The following TMEM52B variants were observed in gnomAD, a reference collection of about 807,000 sequenced individuals.
The protein encoded by TMEM52B is transmembrane protein 52B.
Under a neutral mutation model 16.1 loss-of-function variants are expected in TMEM52B, and 11 were observed. The observed-to-expected ratio is 0.68, with a 90% CI of 0.43 to 1.13. The LOEUF (loss-of-function observed/expected upper bound fraction) is 1.13, where lower values mean the gene tolerates loss of function less well. Among genes scored for constraint, TMEM52B ranks in the 50% most tolerant of loss-of-function variants. The pLI, the probability that TMEM52B is intolerant of heterozygous loss-of-function variation, is 0.00. For missense variants in TMEM52B, 243 were observed against 230.4 expected (o/e 1.05, Z -0.35); for synonymous variants, 101 against 93.8 (o/e 1.08, Z -0.45).
chr12:10,190,173 T>C lies in TMEM52B; in HGVS notation c.*33T>C. The C allele has an allele frequency of 6.2e-7, 1 of 1,612,452 alleles. No individual in the cohort carries two copies. The highest frequency in any genetic ancestry group is 8.5e-7 in the Non-Finnish European group (1 of 1,178,976). ...TGTCATTTTATAAATAGGAGTGGAG[T>C]GATGTCCAGAGTCTGTGGGAAAATG... On this transcript the variant is annotated 3_prime_UTR_variant, in exon 5 of 5. Coordinates refer to ENST00000543484, the MANE Select transcript of TMEM52B (RefSeq NM_001384896.1).
At chr12:10,182,721 C>G in intron 2 of TMEM52B, 128 bp downstream of exon 2, 1 of 979,648 alleles carries the variant, frequency 1.0e-6, no homozygotes, top group Non-Finnish European at 1.4e-6. Flanking sequence ...TAATAGATCT[C>G]ATAGATGACT....
At position 10,190,672 on chromosome 12, in the gene TMEM52B, T is replaced by C. The variant is rs1948947718; in HGVS notation, c.*532T>C. 1 of 165,076 alleles carries C rather than the reference T, an allele frequency of 6.1e-6. No individual in the cohort carries two copies. The highest frequency in any genetic ancestry group is 2.4e-5 in the African/African-American group (1 of 41,722). The allele number at this position is 165,076 out of a possible 1,614,324, so 10.2% of individuals were successfully genotyped here. A position where few individuals can be genotyped will look rare whatever the true frequency, so the allele number is the denominator to read the frequency against. On this transcript the variant is annotated 3_prime_UTR_variant, in exon 5 of 5. Transcript: ENST00000543484. ...GGATATCTAAAAGCTAGGGATGGCA[T>C]TGCTGATATGGGCAAAGAGAACACA...
chr12:10,182,558 G>A lies in TMEM52B; in HGVS notation c.63G>A (p.Gly21=). The change falls in exon 2 of 5, where the codon GGG becomes GGA. Residue 21 remains glycine, a synonymous_variant. Coordinates refer to ENST00000543484, the MANE Select transcript of TMEM52B (RefSeq NM_001384896.1). ...SALLYFILLS[G]TRCEENCGNP... is the part of the protein sequence containing the mutation. Reference sequence around the variant, plus strand: ...AATTTCTCTTTCTACAGCTTTCTGGGACGAGATGTGAGGAAAACTGTGGTA... The same window carrying A: ...AATTTCTCTTTCTACAGCTTTCTGGAACGAGATGTGAGGAAAACTGTGGTA... The A allele has an allele frequency of 2.0e-6, 3 of 1,535,418 alleles. No individual in the cohort carries two copies. The South Asian group carries it at 3.6e-5, about 18-fold the overall frequency.
chr12:10,178,581 ACCTTAGGTTTTATTTT>A (rs1948787139), upstream of TMEM52B, among the ~76,000 whole-genome samples: 1 of 151,546 alleles, frequency 6.6e-6, no homozygotes, highest in African/African-American at 2.4e-5. Flanking sequence ...TTTTACTCTA[ACCTTAGGTTTTATTTT>A]CCTGAGTGAC....
Position 10,190,239 on chromosome 12 carries a change from A to G in TMEM52B, c.*99A>G. On this transcript the variant is annotated 3_prime_UTR_variant, in exon 5 of 5. Coordinates refer to ENST00000543484, the MANE Select transcript of TMEM52B (RefSeq NM_001384896.1). ...TAACCCTCAGAAGTTTTAAGATGGCATCTAACACCATCATTCTATGGGAAA... is the reference window on the plus strand; with the variant it reads ...TAACCCTCAGAAGTTTTAAGATGGCGTCTAACACCATCATTCTATGGGAAA... The G allele has an allele frequency of 7.0e-7, 1 of 1,424,842 alleles. No individual in the cohort carries two copies. The highest frequency in any genetic ancestry group is 9.7e-7 in the Non-Finnish European group (1 of 1,032,138). The allele number at this position is 1,424,842 out of a possible 1,614,324, so 88.3% of individuals were successfully genotyped here. A position where few individuals can be genotyped will look rare whatever the true frequency, so the allele number is the denominator to read the frequency against.
upstream of TMEM52B, among the ~76,000 whole-genome samples, chr12:10,177,263 A>C (rs1948772948): frequency 6.6e-6 from 1 of 152,214 alleles, no homozygotes; most frequent in Admixed American, 6.5e-5. Context: ...ATAAAAAATA[A>C]AAGACTGTCA....
Position 10,190,318 on chromosome 12 carries a change from C to G in TMEM52B, c.*178C>G, listed in dbSNP as rs1331416998. 6.0e-6 allele frequency: 5 copies of G among 829,598 alleles called. No individual in the cohort carries two copies. In the African/African-American group the frequency reaches 6.9e-5, roughly 11 times the overall value. 51.4% of individuals were successfully genotyped at this position (829,598 alleles called of 1,614,324 possible). A position where few individuals can be genotyped will look rare whatever the true frequency, so the allele number is the denominator to read the frequency against. On this transcript the variant is annotated 3_prime_UTR_variant, in exon 5 of 5. Coordinates refer to ENST00000543484, the MANE Select transcript of TMEM52B (RefSeq NM_001384896.1). ...TTTATATCTTCCGATACAGAATGCT[C>G]TAATTGGGAACTCTAATTTTGTATC...
chr12:10,189,994 C>T lies in TMEM52B; in HGVS notation c.406C>T (p.Pro136Ser), dbSNP rs1204592523. 6.2e-7 allele frequency: 1 copy of T among 1,614,142 alleles called. No individual in the cohort carries two copies. Among genetic ancestry groups the T allele is most frequent in the Non-Finnish European group, 8.5e-7 (1 of 1,180,018 alleles). Residue 136 changes from proline to serine, a missense_variant, in exon 5 of 5, where the codon CCA becomes TCA. Pro to Ser is a moderately conservative substitution (Grantham distance 74). Coordinates refer to ENST00000543484, the MANE Select transcript of TMEM52B (RefSeq NM_001384896.1). ...GQLPSSLDTL[P>S]GYEEALHMSR... ...GCTGCCCTCCTCTTTGGACACCCTCCCAGGGTATGAAGAAGCTCTTCACAT... is the reference window on the plus strand; with the variant it reads ...GCTGCCCTCCTCTTTGGACACCCTCTCAGGGTATGAAGAAGCTCTTCACAT...
At chr12:10,179,653 A>G in intron 1 of TMEM52B, 25 bp downstream of exon 1, 1 of 1,614,040 alleles carries the variant, frequency 6.2e-7, no homozygotes, top group Non-Finnish European at 8.5e-7. Context: ...GAAAAGGCAG[A>G]AAGAGTATTT....
intron 1 of TMEM52B, chr12:10,182,117 C>T (rs1230068464): frequency 1.0e-6 from 1 of 984,424 alleles, no homozygotes; most frequent in African/African-American, 1.8e-5. Context: ...GTCCCACTGG[C>T]CCCCTCGCTT....
At chr12:10,171,130 A>G (rs1390179403) in intron 1 of TMEM52B, among the ~76,000 whole-genome samples, 1 of 152,246 alleles carries the variant, frequency 6.6e-6, no homozygotes, top group Non-Finnish European at 1.5e-5. Context: ...AGCAGTTTTT[A>G]TAGCAATTTA....
chr12:10,187,046 A>G (rs1948887820), intron 4 of TMEM52B, among the ~76,000 whole-genome samples: 1 of 149,624 alleles, frequency 6.7e-6, no homozygotes, highest in South Asian at 2.1e-4. Context: ...CATTTTCTCA[A>G]TGATTATAAG....
intron 2 of TMEM52B, 41 bp downstream of exon 2, chr12:10,182,634 C>T: frequency 6.6e-7 from 1 of 1,519,780 alleles, no homozygotes; most frequent in Non-Finnish European, 8.8e-7. Flanking sequence ...AGCAACAGAC[C>T]AAAACATCAC....
chr12:10,186,010 C>T (rs1048497567), intron 3 of TMEM52B, among the ~76,000 whole-genome samples: 1 of 151,944 alleles, frequency 6.6e-6, no homozygotes, highest in Non-Finnish European at 1.5e-5. Context: ...CACTGCACTT[C>T]AGCCTGGGCA....
intron 4 of TMEM52B, 90 bp from the exon 5 acceptor site, chr12:10,189,806 A>G (rs1948935380): frequency 1.3e-6 from 2 of 1,520,938 alleles, no homozygotes; most frequent in Non-Finnish European, 1.8e-6. Flanking sequence ...GTAAAAAATG[A>G]AGCGACAGTT....
At chr12:10,178,849 C>T (rs1036134896), upstream of TMEM52B, among the ~76,000 whole-genome samples, 2 of 152,198 alleles carry the variant, frequency 1.3e-5, no homozygotes, top group African/African-American at 4.8e-5. Context: ...GATTTCTCAT[C>T]TTCAAGTCTG....
At chr12:10,181,398 C>T (rs773128489) in intron 1 of TMEM52B, among the ~76,000 whole-genome samples, 6 of 151,494 alleles carry the variant, frequency 4.0e-5, no homozygotes, top group African/African-American at 7.3e-5. Context: ...GGCATGATCT[C>T]GGCTCACTGC....
chr12:10,183,851 G>A (rs1288476447), intron 2 of TMEM52B, among the ~76,000 whole-genome samples: 1 of 152,102 alleles, frequency 6.6e-6, no homozygotes, highest in Non-Finnish European at 1.5e-5. Context: ...GTGATATTGT[G>A]AGAATATATA....
At chr12:10,185,494 AAT>A in intron 3 of TMEM52B, 126 bp downstream of exon 3, 1 of 728,346 alleles carries the variant, frequency 1.4e-6, no homozygotes, top group Non-Finnish European at 2.5e-6. Flanking sequence ...CCTATGTGAC[AAT>A]ATGTCAGGAT....
Sources: gnomAD v4.1 joint callset for allele counts (sites outside exome capture counted in the v4.1 genomes callset) on GRCh38, gnomAD v4.1.1 for gene constraint, MANE v1.5 for transcripts, NCBI Gene and HGNC (gene_info 2026-07-23, HGNC 2026-07-21) for gene names.